The following FAT1 variants were observed in gnomAD, a reference collection of about 807,000 sequenced individuals.
FAT1 encodes the protein protocadherin Fat 1.
A neutral mutation model predicts 329.8 loss-of-function variants in FAT1; 171 were observed. The observed-to-expected ratio is 0.52, with a 90% CI of 0.46 to 0.59. The LOEUF (loss-of-function observed/expected upper bound fraction) is 0.59. Among genes scored for constraint, FAT1 ranks in the 20% least tolerant of loss-of-function variants. FAT1 has a pLI of 0.00. For missense variants in FAT1, 5,672 were observed against 5,774.4 expected (o/e 0.98, Z 0.57); for synonymous variants, 2,233 against 2,228.6 (o/e 1.00, Z -0.06).
Position 186,620,068 on chromosome 4 carries a change from G to C in FAT1, c.6518C>G (p.Thr2173Ser), listed in dbSNP as rs1739954690. The part of the protein sequence containing the change: ...AFSAEVIVPI[T>S]VMNKAMPVFE... ...CACAGGCATGGCTTTATTCATGACAGTGATCGGAACGATAACTTCCGCTGA... is the reference window on the plus strand; with the variant it reads ...CACAGGCATGGCTTTATTCATGACACTGATCGGAACGATAACTTCCGCTGA... The change falls in exon 10 of 27, where the codon ACT becomes AGT. Residue 2173 changes from threonine to serine, a missense_variant. Thr to Ser is a moderately conservative substitution (Grantham distance 58, BLOSUM62 1). This residue lies in a region of FAT1 where 3,966 missense variants were observed against 3,915.2 expected (regional missense o/e 1.01). Coordinates refer to ENST00000441802, the MANE Select transcript of FAT1 (RefSeq NM_005245.4). The C allele has an allele frequency of 6.2e-7, 1 of 1,613,910 alleles. No homozygotes were observed. Among genetic ancestry groups the C allele is most frequent in the East Asian group, 2.2e-5 (1 of 44,894 alleles).
intron 22 of FAT1, 34 bp downstream of exon 22, chr4:186,599,864 A>G (rs1326911406): frequency 6.6e-7 from 1 of 1,505,352 alleles, no homozygotes. Flanking sequence ...ACACACGTGC[A>G]GCATTTTAAA....
intron 2 of FAT1, among the ~76,000 whole-genome samples, chr4:186,691,657 A>G (rs1743768526): frequency 6.6e-6 from 1 of 152,048 alleles, no homozygotes; most frequent in African/African-American, 2.4e-5. Context: ...AAGTAAAAAA[A>G]ATTAGCCGGG....
chr4:186,623,021 CACTTCCTCT>C (rs1172165479), intron 9 of FAT1, among the ~76,000 whole-genome samples: 1 of 152,372 alleles, frequency 6.6e-6, no homozygotes, highest in East Asian at 1.9e-4. Flanking sequence ...TAACAGGAAA[CACTTCCTCT>C]ACAGTCTTCA....
At chr4:186,604,865 G>T (rs1739020838) in intron 17 of FAT1, among the ~76,000 whole-genome samples, 1 of 151,160 alleles carries the variant, frequency 6.6e-6, no homozygotes, top group African/African-American at 2.4e-5. Context: ...AGGAGTGGGG[G>T]ACAGGAGGAA....
chr4:186,610,659 AAATTATATAATTTATATAAATAT>A, intron 14 of FAT1, among the ~76,000 whole-genome samples: 2 of 85,660 alleles, frequency 2.3e-5, no homozygotes, highest in Non-Finnish European at 2.5e-5. Context: ...ATATAAATAT[AAATTATATAATTTATATAAATAT>A]AAATTATATA....
At chr4:186,681,002 C>T (rs1224589695) in intron 2 of FAT1, among the ~76,000 whole-genome samples, 1 of 152,180 alleles carries the variant, frequency 6.6e-6, no homozygotes, top group Non-Finnish European at 1.5e-5. Flanking sequence ...TCGGCCTTAC[C>T]TTAACATGGT....
At chr4:186,704,922 A>G (rs1206169768) in intron 2 of FAT1, among the ~76,000 whole-genome samples, 1 of 150,734 alleles carries the variant, frequency 6.6e-6, no homozygotes, top group Non-Finnish European at 1.5e-5. Flanking sequence ...CACAAAAAAT[A>G]TATTACAACT....
intron 3 of FAT1, among the ~76,000 whole-genome samples, chr4:186,647,630 T>C (rs1741441019): frequency 6.6e-6 from 1 of 152,226 alleles, no homozygotes; most frequent in African/African-American, 2.4e-5. Flanking sequence ...CGATGTTGTA[T>C]TAATCATAGC....
chr4:186,688,738 A>C (rs373885672), intron 2 of FAT1, among the ~76,000 whole-genome samples: 14 of 149,536 alleles, frequency 9.4e-5, no homozygotes, highest in African/African-American at 3.4e-4. Context: ...ATATTTACTT[A>C]AGCTTCAGTC....
intron 3 of FAT1, among the ~76,000 whole-genome samples, chr4:186,657,793 T>C (rs1341621982): frequency 6.6e-6 from 1 of 152,204 alleles, no homozygotes; most frequent in Non-Finnish European, 1.5e-5. Flanking sequence ...TCAAAATTAT[T>C]AATAAATGCC....
Position 186,621,370 on chromosome 4 carries a change from C to G in FAT1, c.5216G>C (p.Gly1739Ala), listed in dbSNP as rs1301243382. The change falls in exon 10 of 27, where the codon GGA becomes GCA. Residue 1739 changes from glycine (G) to alanine (A), a missense_variant. Transcript: ENST00000441802. ...TLPIYTLIIQGTNMAGLSTNT... is the reference protein window; with the variant it reads ...TLPIYTLIIQATNMAGLSTNT... ...AGTGGACAAACCAGCCATGTTAGTT[C>G]CTTGTATTATCAATGTGTAAATGGG... 1 of 1,613,964 alleles carries G rather than the reference C, an allele frequency of 6.2e-7. No homozygotes were observed. Among genetic ancestry groups the G allele is most frequent in the Non-Finnish European group, 8.5e-7 (1 of 1,179,888 alleles).
chr4:186,716,155 A>T (rs1455880132), intron 1 of FAT1, among the ~76,000 whole-genome samples: 1 of 152,276 alleles, frequency 6.6e-6, no homozygotes, highest in East Asian at 1.9e-4. Context: ...CATATTTATT[A>T]CTGAGCGGTC....
rs563466836 is a variant in FAT1, at chr4:186,658,283, C to CAGTT, written c.3580+5012_3580+5015dup. 5.2e-4 allele frequency among the ~76,000 whole-genome samples: 79 copies of CAGTT among 152,268 alleles called. 1 individual carries two copies. In the South Asian group the frequency reaches 0.013, roughly 26 times the overall value. On this transcript the variant is annotated intron_variant, in intron 3 of 26. Coordinates refer to ENST00000441802, the MANE Select transcript of FAT1 (RefSeq NM_005245.4). ...TAAGAATGTCTGAAATGCAGACAGA[C>CAGTT]AGTTCTTGGCACCATAATTAAGCAC...
chr4:186,601,246 T>C (rs922431421), intron 21 of FAT1, 23 bp downstream of exon 21: 18 of 1,543,812 alleles, frequency 1.2e-5, no homozygotes, highest in Admixed American at 8.5e-5. Flanking sequence ...TCCACTAAGA[T>C]GCAACGCTGT....
Position 186,659,531 on chromosome 4 carries a change from C to T in FAT1, c.3580+3768G>A, listed in dbSNP as rs765501500. Among the ~76,000 whole-genome samples, 4 of 152,338 alleles carry T rather than the reference C, an allele frequency of 2.6e-5. No individual in the cohort carries two copies. In the East Asian group the frequency reaches 7.7e-4, roughly 29 times the overall value. ...GTCTGACATTCATTAACAGAGCAAC[C>T]GTAACACCCGCAAGAGGAAGCGGCT... is the stretch of plus-strand genomic sequence containing the variant. On this transcript the variant is annotated intron_variant, in intron 3 of 26. Transcript: ENST00000441802.
chr4:186,619,857 G>A lies in FAT1; in HGVS notation c.6729C>T (p.Asp2243=), dbSNP rs371603019. ...TGVINVIAPL[D]FEAHPAYKLS... The stretch of plus-strand genomic sequence containing the variant: ...GCTTATATGCCGGGTGGGCCTCAAA[G>A]TCCAGAGGAGCTATGACATTGATAA... The change falls in exon 10 of 27, where the codon GAC becomes GAT. Residue 2243 remains aspartate, a synonymous_variant. Transcript: ENST00000441802. The A allele has an allele frequency of 6.2e-7, 1 of 1,613,998 alleles. No individual in the cohort carries two copies. The highest frequency in any genetic ancestry group is 8.5e-7 in the Non-Finnish European group (1 of 1,179,898).
chr4:186,679,474 G>A (rs1245443063), intron 2 of FAT1, among the ~76,000 whole-genome samples: 2 of 150,032 alleles, frequency 1.3e-5, no homozygotes, highest in East Asian at 3.9e-4. Flanking sequence ...CACATCTGGT[G>A]TCAGAAGCAT....
chr4:186,628,158 C>G lies in FAT1; in HGVS notation c.4806G>C (p.Glu1602Asp), dbSNP rs774058309. 6.2e-7 allele frequency: 1 copy of G among 1,613,604 alleles called. No homozygotes were observed. Among genetic ancestry groups the G allele is most frequent in the Non-Finnish European group, 8.5e-7 (1 of 1,179,752 alleles). Residue 1602 changes from glutamate (E) to aspartate (D), a missense_variant, in exon 9 of 27, where the codon GAG becomes GAC. Coordinates refer to ENST00000441802, the MANE Select transcript of FAT1 (RefSeq NM_005245.4). ...GKNAEVLYSI[E>D]SGNIGNSFMI... ...CACTGAAGGCTCCAAAAGTACCTGA[C>G]TCGATCGAGTACAGCACTTCAGCAT...
chr4:186,715,085 A>AC (rs974383753), intron 1 of FAT1, among the ~76,000 whole-genome samples: 1 of 149,706 alleles, frequency 6.7e-6, no homozygotes, highest in African/African-American at 2.5e-5. Context: ...CTCAAAAACA[A>AC]AAAAAAAAGT....
Sources: allele counts gnomAD v4.1 joint callset (sites outside exome capture counted in the v4.1 genomes callset), GRCh38; gene constraint gnomAD v4.1.1; regional missense constraint gnomAD v4.1.1; transcripts MANE v1.5; gene names NCBI Gene and HGNC (gene_info 2026-07-23, HGNC 2026-07-21).